The following MMD2 variants were observed in gnomAD, a reference collection of about 807,000 sequenced individuals.
The protein encoded by MMD2 is monocyte to macrophage differentiation factor 2.
In MMD2, 30 loss-of-function variants were observed where a neutral mutation model predicts 33.5. That is an observed-to-expected ratio of 0.90 (90% CI 0.67 to 1.22). The LOEUF is 1.22. Among genes scored for constraint, MMD2 ranks in the 50% most tolerant of loss-of-function variants. The pLI is 0.00. For missense variants in MMD2, 364 were observed against 325.4 expected (o/e 1.12, Z -0.91); for synonymous variants, 129 against 123.0 (o/e 1.05, Z -0.32).
At chr7:4,899,459 GCTCACTGCAGC>G in the MMD2 span, among the ~76,000 whole-genome samples, 1 of 151,572 alleles carries the variant, frequency 6.6e-6, no homozygotes. Flanking sequence ...CATGATCTCA[GCTCACTGCAGC>G]CTCCGCTTCC....
Position 4,940,220 on chromosome 7 carries a change from C to A in MMD2, c.48-14688G>T, listed in dbSNP as rs114986216. On this transcript the variant is annotated intron_variant, in intron 1 of 6. Coordinates refer to ENST00000401401, the MANE Select transcript of MMD2 (RefSeq NM_198403.4). This position sits in a 1 kb window ranked among gnomAD's most constrained non-coding sequence, Gnocchi z 5.0. Reference sequence around the variant, plus strand: ...GTGCAGGGTCCGGCACACCCCAGCTCCCCCGGCTCGCTCCTCCGAAGTCTG... The same window carrying A: ...GTGCAGGGTCCGGCACACCCCAGCTACCCCGGCTCGCTCCTCCGAAGTCTG... Among the ~76,000 whole-genome samples, 1 of 152,098 alleles carries A rather than the reference C, an allele frequency of 6.6e-6. No homozygotes were observed. The highest frequency in any genetic ancestry group is 1.5e-5 in the Non-Finnish European group (1 of 68,002).
At chr7:4,905,423 G>A (rs542066652), downstream of MMD2, among the ~76,000 whole-genome samples, 2 of 149,958 alleles carry the variant, frequency 1.3e-5, no homozygotes. This position sits in a 1 kb window ranked among gnomAD's most constrained non-coding sequence, Gnocchi z 5.0. Context: ...GAGGAGGGGA[G>A]GAAGGGGAAG....
At chr7:4,912,377 T>G (rs1005620842) in intron 4 of MMD2, among the ~76,000 whole-genome samples, 2 of 151,706 alleles carry the variant, frequency 1.3e-5, no homozygotes, top group African/African-American at 4.8e-5. Context: ...GCTAACATGG[T>G]GAAACCCCGT....
chr7:4,933,399 A>C (rs1562487736), intron 1 of MMD2, among the ~76,000 whole-genome samples: 1 of 152,174 alleles, frequency 6.6e-6, no homozygotes, highest in African/African-American at 2.4e-5. Flanking sequence ...TTTGTTTTAT[A>C]CTAAAAGAAA....
chr7:4,904,582 G>A (rs1338325398), downstream of MMD2, among the ~76,000 whole-genome samples: 1 of 152,148 alleles, frequency 6.6e-6, no homozygotes, highest in African/African-American at 2.4e-5. Context: ...GAAATCATGT[G>A]ATCTTTAGGA....
chr7:4,909,690 C>T (rs543168678), intron 6 of MMD2, 191 bp downstream of exon 6: 971 of 786,258 alleles, frequency 1.2e-3, no homozygotes, highest in Non-Finnish European at 1.9e-3. Flanking sequence ...CCCACCTCAG[C>T]CTCCCAAAGG....
At chr7:4,907,973 A>G (rs1278472347) in intron 6 of MMD2, among the ~76,000 whole-genome samples, 1 of 151,382 alleles carries the variant, frequency 6.6e-6, no homozygotes. Flanking sequence ...ATGCCTGGCT[A>G]ATTTTATTTT....
intron 1 of MMD2, among the ~76,000 whole-genome samples, chr7:4,952,778 G>A (rs922517371): frequency 3.4e-5 from 5 of 147,268 alleles, no homozygotes; most frequent in Non-Finnish European, 7.4e-5. Flanking sequence ...CGCAGCCTCC[G>A]CCTCCTGGGT....
chr7:4,958,294 C>G (rs2115171229), intron 1 of MMD2, among the ~76,000 whole-genome samples: 1 of 152,274 alleles, frequency 6.6e-6, no homozygotes, highest in Admixed American at 6.5e-5. Flanking sequence ...GGAGAAACCC[C>G]CTCCCCACGC....
chr7:4,948,917 T>TC (rs1345133186), intron 1 of MMD2, among the ~76,000 whole-genome samples: 2 of 152,142 alleles, frequency 1.3e-5, no homozygotes, highest in Non-Finnish European at 2.9e-5. Flanking sequence ...GCTCAGGTGA[T>TC]CCTCCCACCT....
chr7:4,915,043 C>T (rs542374962), intron 4 of MMD2, among the ~76,000 whole-genome samples: 6 of 152,002 alleles, frequency 3.9e-5, no homozygotes, highest in African/African-American at 1.4e-4. Flanking sequence ...GAGGCTGAGG[C>T]GGGAGGATGG....
chr7:4,955,897 A>G (rs1786369818), intron 1 of MMD2, among the ~76,000 whole-genome samples: 1 of 152,112 alleles, frequency 6.6e-6, no homozygotes, highest in African/African-American at 2.4e-5. Flanking sequence ...TACTAAAAAT[A>G]CAAAAATTAG....
intron 1 of MMD2, among the ~76,000 whole-genome samples, chr7:4,927,151 G>T (rs568086441): frequency 6.6e-6 from 1 of 152,276 alleles, no homozygotes; most frequent in South Asian, 2.1e-4. Context: ...ATATTATGGA[G>T]AACTCGGCCC....
chr7:4,935,728 G>C (rs1000370164), intron 1 of MMD2, among the ~76,000 whole-genome samples: 4 of 150,052 alleles, frequency 2.7e-5, no homozygotes, highest in Non-Finnish European at 4.4e-5. Flanking sequence ...GATGGTGCTA[G>C]ACCATGATGC....
chr7:4,925,413 C>A, intron 2 of MMD2, 38 bp downstream of exon 2: 1 of 1,435,436 alleles, frequency 7.0e-7, no homozygotes, highest in South Asian at 1.4e-5. Context: ...CCGGAAGTGT[C>A]CCCATCTCAG....
chr7:4,958,925 C>T (rs1786462736), intron 1 of MMD2, 46 bp downstream of exon 1: 1 of 1,282,250 alleles, frequency 7.8e-7, no homozygotes, highest in Non-Finnish European at 9.9e-7. Context: ...CCCGCCGCCG[C>T]GCGCCCCTCC....
intron 1 of MMD2, among the ~76,000 whole-genome samples, chr7:4,937,965 ATTTCTT>A (rs1325402430): frequency 9.7e-6 from 1 of 103,026 alleles, no homozygotes; most frequent in African/African-American, 3.9e-5. Context: ...AAACAATTTA[ATTTCTT>A]TTTCTTTTTT....
chr7:4,941,560 G>T (rs1004289457), intron 1 of MMD2, among the ~76,000 whole-genome samples: 10 of 151,342 alleles, frequency 6.6e-5, no homozygotes, highest in African/African-American at 2.2e-4. Context: ...AACCTGGGAG[G>T]CGGAGGTTAC....
chr7:4,902,627 T>C (rs1784809921), downstream of MMD2, among the ~76,000 whole-genome samples: 1 of 152,016 alleles, frequency 6.6e-6, no homozygotes, highest in Non-Finnish European at 1.5e-5. Context: ...ACCTGCTGAA[T>C]ACCACGCCTG....
Sources: gnomAD v4.1 joint callset for allele counts (sites outside exome capture counted in the v4.1 genomes callset) on GRCh38, gnomAD v4.1.1 for gene constraint, Gnocchi (gnomAD v3.1) non-coding constraint, MANE v1.5 for transcripts, NCBI Gene and HGNC (gene_info 2026-07-23, HGNC 2026-07-21) for gene names.